Variants in PDE8B observed in about 807,000 individuals in gnomAD.
The protein encoded by PDE8B is high affinity cAMP-specific and IBMX-insensitive 3',5'-cyclic phosphodiesterase 8B.
A neutral mutation model predicts 101.3 loss-of-function variants in PDE8B; 26 were observed. That is an observed-to-expected ratio of 0.26 (90% CI 0.19 to 0.36). PDE8B has a LOEUF of 0.36. Among genes scored for constraint, PDE8B ranks in the 10% least tolerant of loss-of-function variants. PDE8B has a pLI of 1.00. For synonymous variants in PDE8B, 424 were observed against 429.3 expected (o/e 0.99, Z 0.15); for missense variants, 810 against 1,163.1 (o/e 0.70, Z 4.42).
chr5:77,343,701 T>C (rs1779628217), intron 6 of PDE8B, among the ~76,000 whole-genome samples: 1 of 152,164 alleles, frequency 6.6e-6, no homozygotes, highest in South Asian at 2.1e-4. Flanking sequence ...CTTTCTTCAA[T>C]AGTAAATTAG....
intron 10 of PDE8B, among the ~76,000 whole-genome samples, chr5:77,375,884 GATTT>G (rs1785986043): frequency 8.7e-6 from 1 of 114,466 alleles, no homozygotes; most frequent in Admixed American, 8.6e-5. Flanking sequence ...TTTGTGCCTT[GATTT>G]CTTTTTTTTT....
chr5:77,216,324 G>T (rs928357690), intron 1 of PDE8B, among the ~76,000 whole-genome samples: 4 of 152,212 alleles, frequency 2.6e-5, no homozygotes, highest in Non-Finnish European at 4.4e-5. Flanking sequence ...GAAAGAAAAA[G>T]AGATTTAATG....
chr5:77,370,514 T>C (rs1371764163), intron 10 of PDE8B, among the ~76,000 whole-genome samples: 1 of 152,240 alleles, frequency 6.6e-6, no homozygotes, highest in Non-Finnish European at 1.5e-5. Context: ...TGCTGAGCAC[T>C]GTTCTATTGC....
intron 1 of PDE8B, among the ~76,000 whole-genome samples, chr5:77,250,833 G>A (rs1221403208): frequency 3.9e-5 from 6 of 152,188 alleles, no homozygotes; most frequent in Non-Finnish European, 8.8e-5. Flanking sequence ...ATGTGAGGAG[G>A]GGATGCAAAA....
chr5:77,170,754 C>T, the PDE8B span, among the ~76,000 whole-genome samples: 26 of 152,100 alleles, frequency 1.7e-4, no homozygotes, highest in Non-Finnish European at 1.9e-4. Flanking sequence ...TTTGCTTTTA[C>T]GAATTTGCTA....
the PDE8B span, chr5:77,144,649 T>C: frequency 1.3e-5 from 2 of 151,898 alleles, no homozygotes; most frequent in Non-Finnish European, 2.9e-5. Context: ...TGGAGAGAGA[T>C]GACCTAGCAA....
intron 7 of PDE8B, among the ~76,000 whole-genome samples, chr5:77,347,822 G>A (rs1561562031): frequency 6.6e-6 from 1 of 152,108 alleles, no homozygotes; most frequent in Non-Finnish European, 1.5e-5. Flanking sequence ...GAGAGAGCAC[G>A]TGGGGAAAGG....
chr5:77,251,601 C>A (rs1758069669), intron 1 of PDE8B, among the ~76,000 whole-genome samples: 1 of 152,138 alleles, frequency 6.6e-6, no homozygotes, highest in Non-Finnish European at 1.5e-5. Flanking sequence ...GACTTCTTCC[C>A]ATGATACTTC....
chr5:77,346,113 T>C (rs1780107187), intron 7 of PDE8B, among the ~76,000 whole-genome samples: 1 of 152,332 alleles, frequency 6.6e-6, no homozygotes, highest in South Asian at 2.1e-4. Context: ...GTATCAGAAC[T>C]AAAATATGTA....
At chr5:77,251,618 A>G (rs1175776389) in intron 1 of PDE8B, among the ~76,000 whole-genome samples, 5 of 151,768 alleles carry the variant, frequency 3.3e-5, no homozygotes, top group Non-Finnish European at 7.4e-5. Flanking sequence ...CTTCTTCCCC[A>G]TTTTCTCCCC....
intron 2 of PDE8B, among the ~76,000 whole-genome samples, chr5:77,315,399 C>T (rs1226500553): frequency 6.6e-6 from 1 of 152,170 alleles, no homozygotes; most frequent in Non-Finnish European, 1.5e-5. Flanking sequence ...TCCAGCTCCA[C>T]TTATTACAAA....
chr5:77,198,657 C>T, the PDE8B span, among the ~76,000 whole-genome samples: 1 of 152,132 alleles, frequency 6.6e-6, no homozygotes, highest in Non-Finnish European at 1.5e-5. Flanking sequence ...ACCTATTTTT[C>T]AATGTCTGAT....
In PDE8B at chr5:77,258,332, T is replaced by TGTTTAGAG. The variant is rs926370287; in HGVS notation, c.339+47069_339+47076dup. Among the ~76,000 whole-genome samples the TGTTTAGAG allele has an allele frequency of 9.2e-4, 136 of 148,202 alleles. 1 individual carries two copies. The highest frequency in any genetic ancestry group is 1.3e-4 in the Non-Finnish European group (9 of 67,444). On this transcript the variant is annotated intron_variant, in intron 1 of 21. Coordinates refer to ENST00000264917, the MANE Select transcript of PDE8B (RefSeq NM_003719.5). ...AAAAGGAACCCAGAGCAGACCAGTG[T>TGTTTAGAG]GTTTAGAGCAGAGTGAACTGATGGA...
At chr5:77,263,761 ATTTATT>A (rs1444289001) in intron 1 of PDE8B, among the ~76,000 whole-genome samples, 1 of 152,138 alleles carries the variant, frequency 6.6e-6, no homozygotes, top group Non-Finnish European at 1.5e-5. Flanking sequence ...TATTAATTCA[ATTTATT>A]TTTATAGCAA....
chr5:77,321,092 C>T (rs1397326875), intron 2 of PDE8B, among the ~76,000 whole-genome samples: 1 of 149,136 alleles, frequency 6.7e-6, no homozygotes, highest in Non-Finnish European at 1.5e-5. Flanking sequence ...CATGGGCCAT[C>T]TCTGAGCCGT....
At chr5:77,316,778 A>G (rs1367496756) in intron 2 of PDE8B, among the ~76,000 whole-genome samples, 1 of 152,178 alleles carries the variant, frequency 6.6e-6, no homozygotes, top group Non-Finnish European at 1.5e-5. Flanking sequence ...AACAAATTGA[A>G]TATCATAAAC....
At position 77,427,039 on chromosome 5, in the gene PDE8B, G is replaced by GAA. The variant is rs878934235; in HGVS notation, c.*496_*497dup. The GAA allele has an allele frequency of 4.9e-3, 693 of 142,268 alleles. 7 individuals are homozygous for GAA. The highest frequency in any genetic ancestry group is 0.013 in the African/African-American group (513 of 39,516). The allele number at this position is 142,268 out of a possible 1,614,324, so 8.8% of individuals were successfully genotyped here. On this transcript the variant is annotated 3_prime_UTR_variant, in exon 22 of 22. Transcript: ENST00000264917. The stretch of plus-strand genomic sequence containing the variant: ...AGCTTATCTGAACAGATTTATCTAA[G>GAA]AAAAAAAAAAAACGACATAAAATAA...
intron 1 of PDE8B, among the ~76,000 whole-genome samples, chr5:77,227,637 AG>A (rs1453121555): frequency 1.3e-5 from 2 of 152,192 alleles, no homozygotes; most frequent in Non-Finnish European, 2.9e-5. Flanking sequence ...ATAATCTTGG[AG>A]GTGGAGTATC....
At chr5:77,335,532 GGT>G (rs35776739) in intron 5 of PDE8B, among the ~76,000 whole-genome samples, 29,761 of 145,380 alleles carry the variant, frequency 0.2, 3,074 homozygotes, top group East Asian at 0.3. Flanking sequence ...GTATATGTGG[GGT>G]GTGTGTGTGT....
Sources: gnomAD v4.1 joint callset for allele counts (sites outside exome capture counted in the v4.1 genomes callset) on GRCh38, gnomAD v4.1.1 for gene constraint, MANE v1.5 for transcripts, NCBI Gene and HGNC (gene_info 2026-07-23, HGNC 2026-07-21) for gene names.